The following THEMIS variants were observed in gnomAD, a reference collection of about 807,000 sequenced individuals.
The protein encoded by THEMIS is thymocyte selection associated.
A neutral mutation model predicts 52.6 loss-of-function variants in THEMIS; 37 were observed. The ratio of observed to expected loss-of-function variants is 0.70; its 90% CI spans 0.54 to 0.93. The LOEUF (loss-of-function observed/expected upper bound fraction) is 0.93, where lower values mean the gene tolerates loss of function less well. Among genes scored for constraint, THEMIS ranks in the 40% least tolerant of loss-of-function variants. The pLI, the probability that THEMIS is intolerant of heterozygous loss-of-function variation, is 0.00. For synonymous variants in THEMIS, 292 were observed against 272.7 expected, an observed-to-expected ratio of 1.07 and a Z score of -0.70; for missense variants, 808 against 763.1, an observed-to-expected ratio of 1.06 and a Z score of -0.69.
intron 4 of THEMIS, among the ~76,000 whole-genome samples, chr6:127,723,805 C>T (rs890774682): frequency 6.6e-6 from 1 of 151,952 alleles, no homozygotes; most frequent in African/African-American, 2.4e-5. Context: ...TCTTTGTGCA[C>T]CTTGTACTTC....
At chr6:127,773,428 C>T (rs528854385) in intron 4 of THEMIS, among the ~76,000 whole-genome samples, 9 of 152,132 alleles carry the variant, frequency 5.9e-5, no homozygotes, top group Non-Finnish European at 1.0e-4. Context: ...AAAATTAGAA[C>T]GCTGTTAAAA....
At chr6:127,705,190 T>C (rs1018728876), downstream of THEMIS, among the ~76,000 whole-genome samples, 3 of 152,316 alleles carry the variant, frequency 2.0e-5, no homozygotes, top group Admixed American at 6.5e-5. Flanking sequence ...ACTACACCTA[T>C]GAAAATGGGG....
At chr6:127,748,317 T>C (rs1164782649) in intron 4 of THEMIS, among the ~76,000 whole-genome samples, 1 of 151,970 alleles carries the variant, frequency 6.6e-6, no homozygotes, top group African/African-American at 2.4e-5. Flanking sequence ...CAGCTTCTGG[T>C]GATGGCTTCA....
intron 1 of THEMIS, among the ~76,000 whole-genome samples, chr6:127,863,369 T>C (rs1175992374): frequency 6.6e-6 from 1 of 152,192 alleles, no homozygotes; most frequent in Non-Finnish European, 1.5e-5. Context: ...AGTGGTGGAA[T>C]TCCATTTATC....
At chr6:127,825,527 G>A (rs1778478829) in intron 3 of THEMIS, among the ~76,000 whole-genome samples, 1 of 152,144 alleles carries the variant, frequency 6.6e-6, no homozygotes. Flanking sequence ...CCGTTCTCAG[G>A]AAGCAAGGGA....
the THEMIS span, among the ~76,000 whole-genome samples, chr6:127,698,634 T>C: frequency 6.6e-6 from 1 of 152,040 alleles, no homozygotes; most frequent in Non-Finnish European, 1.5e-5. Context: ...GATGAAACAA[T>C]CATACAGGAC....
At chr6:127,699,682 A>C in the THEMIS span, among the ~76,000 whole-genome samples, 1 of 152,018 alleles carries the variant, frequency 6.6e-6, no homozygotes, top group Non-Finnish European at 1.5e-5. Flanking sequence ...AATAGAAAAA[A>C]GAAGTCTGTT....
At chr6:127,702,632 GCTATCATAT>G in the THEMIS span, among the ~76,000 whole-genome samples, 1 of 142,730 alleles carries the variant, frequency 7.0e-6, no homozygotes, top group Admixed American at 7.0e-5. Context: ...TTTTTTTTTA[GCTATCATAT>G]TAATCATTGT....
At chr6:127,818,187 C>T (rs146058535) in intron 3 of THEMIS, among the ~76,000 whole-genome samples, 196 of 152,300 alleles carry the variant, frequency 1.3e-3, no homozygotes, top group African/African-American at 4.4e-3. Flanking sequence ...CAAGCCTCCA[C>T]TAGCCATTCT....
At chr6:127,758,953 A>G (rs957496748) in intron 4 of THEMIS, among the ~76,000 whole-genome samples, 1 of 152,168 alleles carries the variant, frequency 6.6e-6, no homozygotes, top group African/African-American at 2.4e-5. Flanking sequence ...CTTACAAAAT[A>G]GTTAACCAGC....
chr6:127,711,863 G>C (rs1773994200), intron 5 of THEMIS, among the ~76,000 whole-genome samples: 1 of 151,972 alleles, frequency 6.6e-6, no homozygotes, highest in Admixed American at 6.6e-5. Context: ...ATTGGAAACT[G>C]AAGACCTAAG....
intron 4 of THEMIS, among the ~76,000 whole-genome samples, chr6:127,724,657 C>T (rs1385256431): frequency 1.3e-5 from 2 of 152,058 alleles, no homozygotes; most frequent in Non-Finnish European, 2.9e-5. Context: ...TGAATCATTA[C>T]AATCCTGTCT....
chr6:127,837,486 T>C (rs1237762045), intron 2 of THEMIS, among the ~76,000 whole-genome samples: 1 of 152,166 alleles, frequency 6.6e-6, no homozygotes, highest in Non-Finnish European at 1.5e-5. Flanking sequence ...TAAATGCTAT[T>C]AATGTTTTCT....
At chr6:127,799,012 A>T (rs1451108003) in intron 4 of THEMIS, among the ~76,000 whole-genome samples, 3 of 151,410 alleles carry the variant, frequency 2.0e-5, no homozygotes, top group Non-Finnish European at 4.4e-5. Flanking sequence ...AAAAAAAGAA[A>T]GAAAAAAGAA....
At chr6:127,766,831 T>C (rs1776216461) in intron 4 of THEMIS, among the ~76,000 whole-genome samples, 1 of 152,158 alleles carries the variant, frequency 6.6e-6, no homozygotes, top group South Asian at 2.1e-4. Context: ...GGACTGGAAG[T>C]TGCTTTGGAT....
At chr6:127,697,955 C>G in the THEMIS span, among the ~76,000 whole-genome samples, 1 of 152,020 alleles carries the variant, frequency 6.6e-6, no homozygotes, top group African/African-American at 2.4e-5. Flanking sequence ...TGTATAGTAT[C>G]CTGGGCTTAT....
chr6:127,867,543 T>G (rs1250790546), intron 1 of THEMIS, among the ~76,000 whole-genome samples: 1 of 152,112 alleles, frequency 6.6e-6, no homozygotes, highest in Non-Finnish European at 1.5e-5. Flanking sequence ...ATTCCATTCA[T>G]TTTAGTAGCT....
At chr6:127,857,569 C>A (rs1779659688) in intron 1 of THEMIS, among the ~76,000 whole-genome samples, 1 of 151,942 alleles carries the variant, frequency 6.6e-6, no homozygotes. Flanking sequence ...ATGAAGCAAC[C>A]ACAAAGTCAC....
the THEMIS span, among the ~76,000 whole-genome samples, chr6:127,703,035 G>GGTTTTTTTTTTTTTTTTTTTTTTTTTTTT: frequency 2.4e-5 from 2 of 82,352 alleles, no homozygotes; most frequent in Non-Finnish European, 4.2e-5. Context: ...TTTAGAATGA[G>GGTTTTTTTTTTTTTTTTTTTTTTTTTTTT]TTTTTTTTTT....
Sources: allele counts gnomAD v4.1 joint callset (sites outside exome capture counted in the v4.1 genomes callset), GRCh38; gene constraint gnomAD v4.1.1; transcripts MANE v1.5; gene names NCBI Gene and HGNC (gene_info 2026-07-23, HGNC 2026-07-21).